TRMT6: variants seen among roughly 807,000 people sequenced by gnomAD.
TRMT6 encodes tRNA (adenine(58)-N(1))-methyltransferase non-catalytic subunit TRM6.
Under a neutral mutation model 59.0 loss-of-function variants are expected in TRMT6, and 34 were observed. The ratio of observed to expected loss-of-function variants is 0.58; its 90% CI spans 0.44 to 0.77. The LOEUF (loss-of-function observed/expected upper bound fraction) is 0.77. Among genes scored for constraint, TRMT6 ranks in the 30% least tolerant of loss-of-function variants. TRMT6 has a pLI of 0.00. For missense variants in TRMT6, 575 were observed against 604.5 expected, an observed-to-expected ratio of 0.95 and a Z score of 0.51; for synonymous variants, 217 against 210.5, an observed-to-expected ratio of 1.03 and a Z score of -0.27.
chr20:5,948,635 A>G (rs982212604), intron 1 of TRMT6, among the ~76,000 whole-genome samples: 3 of 152,040 alleles, frequency 2.0e-5, no homozygotes, highest in Non-Finnish European at 4.4e-5. Context: ...GAGCCCAGGA[A>G]TTGGAGACTA....
chr20:5,949,191 A>G (rs1297450701), intron 1 of TRMT6, among the ~76,000 whole-genome samples: 1 of 135,212 alleles, frequency 7.4e-6, no homozygotes, highest in Non-Finnish European at 1.5e-5. Context: ...CGTCTCTACT[A>G]AAAATACAAA....
At chr20:5,939,236 A>C (rs1220254279) in intron 10 of TRMT6, among the ~76,000 whole-genome samples, 1 of 152,222 alleles carries the variant, frequency 6.6e-6, no homozygotes, top group African/African-American at 2.4e-5. Flanking sequence ...TAATCCCAGC[A>C]CTTTGGGATG....
chr20:5,947,694 T>A (rs2088719698), intron 1 of TRMT6, among the ~76,000 whole-genome samples: 1 of 152,204 alleles, frequency 6.6e-6, no homozygotes. Context: ...CCTCCTCAGA[T>A]GTTGCAATTC....
rs1485138624 is a variant in TRMT6, at chr20:5,950,289, G to C, written c.117C>G (p.Val39=). ...GCGATCTGACTTACTTTCTCCGCTGGACTTGTACTGCTTTAAACACATCTT... is the reference window on the plus strand; with the variant it reads ...GCGATCTGACTTACTTTCTCCGCTGCACTTGTACTGCTTTAAACACATCTT... ...KREDVFKAVQ[V]QRRKKVTFEK... Residue 39 remains valine (V), a synonymous_variant, in exon 1 of 11, where the codon GTC becomes GTG. Coordinates refer to ENST00000203001, the MANE Select transcript of TRMT6 (RefSeq NM_015939.5). 4 of 1,611,210 alleles carry C rather than the reference G, an allele frequency of 2.5e-6. No homozygotes were observed. The highest frequency in any genetic ancestry group is 3.4e-6 in the Non-Finnish European group (4 of 1,178,258).
At position 5,942,051 on chromosome 20, in the gene TRMT6, A is replaced by AT. The variant is rs2122601166; in HGVS notation, c.1027-16dup. 6.2e-7 allele frequency: 1 copy of AT among 1,606,348 alleles called. No individual in the cohort carries two copies. The highest frequency in any genetic ancestry group is 2.2e-5 in the East Asian group (1 of 44,864). On this transcript the variant is annotated splice_polypyrimidine_tract_variant and intron_variant, in intron 7 of 10. Coordinates refer to ENST00000203001, the MANE Select transcript of TRMT6 (RefSeq NM_015939.5). ...TTTTCCTGAATCTTCAAAAAGAAAA[A>AT]TAAGAAATCAATGTACTGGGGTCTT...
At chr20:5,942,848 A>C in intron 6 of TRMT6, 62 bp from the exon 7 acceptor site, 1 of 1,264,242 alleles carries the variant, frequency 7.9e-7, no homozygotes, top group Non-Finnish European at 1.1e-6. Flanking sequence ...GTAAACCCTC[A>C]GTGAGTCCTC....
intron 1 of TRMT6, among the ~76,000 whole-genome samples, chr20:5,949,123 C>G (rs922395331): frequency 1.3e-5 from 2 of 150,200 alleles, no homozygotes. Flanking sequence ...GAGGCCGAGG[C>G]GGGTGGATCA....
At chr20:5,943,443 G>A in intron 6 of TRMT6, 116 bp downstream of exon 6, 1 of 1,385,090 alleles carries the variant, frequency 7.2e-7, no homozygotes, top group Non-Finnish European at 1.0e-6. Flanking sequence ...GTTCACCCAA[G>A]TCACTTTGTT....
chr20:5,941,414 T>C, intron 8 of TRMT6, 69 bp from the exon 9 acceptor site: 1 of 1,097,700 alleles, frequency 9.1e-7, no homozygotes, highest in Non-Finnish European at 1.4e-6. Context: ...TTAAAATGCA[T>C]TTAAAATGAT....
At chr20:5,941,799 T>A in intron 8 of TRMT6, 152 bp downstream of exon 8, 1 of 678,740 alleles carries the variant, frequency 1.5e-6, no homozygotes. Context: ...CCTGCCAGCC[T>A]CAGCCTCCTT....
chr20:5,950,046 G>C (rs1351537466), intron 1 of TRMT6, among the ~76,000 whole-genome samples: 1 of 152,146 alleles, frequency 6.6e-6, no homozygotes, highest in Non-Finnish European at 1.5e-5. Context: ...AATCATGGAG[G>C]GGGCTCCGGG....
intron 7 of TRMT6, 152 bp downstream of exon 7, chr20:5,942,276 C>T (rs780931090): frequency 6.1e-5 from 49 of 797,818 alleles, no homozygotes; most frequent in Non-Finnish European, 8.8e-5. Context: ...CCGAATCACA[C>T]GTTTGTATAC....
At position 5,942,536 on chromosome 20, in the gene TRMT6, C is replaced by T. The variant is rs199625016; in HGVS notation, c.918G>A (p.Met306Ile). Residue 306 changes from methionine to isoleucine, a missense_variant, in exon 7 of 11, where the codon ATG (methionine) becomes ATA (isoleucine). By Grantham distance (10) the Met-to-Ile change is conservative (BLOSUM62 1). Coordinates refer to ENST00000203001, the MANE Select transcript of TRMT6 (RefSeq NM_015939.5). The stretch of plus-strand genomic sequence containing the variant: ...GGTGGTTGCTCTCTGGGGCCTCTGC[C>T]ATGCTGTCTTCATTCTCTTGTTCAG... ...QASEQENEDS[M>I]AEAPESNHPE... 1.9e-6 allele frequency: 3 copies of T among 1,614,018 alleles called. No individual in the cohort carries two copies. Among genetic ancestry groups the T allele is most frequent in the African/African-American group, 1.3e-5 (1 of 74,972 alleles).
At chr20:5,943,343 G>C (rs2088675560) in intron 6 of TRMT6, among the ~76,000 whole-genome samples, 1 of 152,190 alleles carries the variant, frequency 6.6e-6, no homozygotes, top group Admixed American at 6.5e-5. Context: ...AGCTAGAAAG[G>C]ACAATTGCCA....
chr20:5,942,885 T>A, intron 6 of TRMT6, 99 bp from the exon 7 acceptor site: 1 of 896,330 alleles, frequency 1.1e-6, no homozygotes, highest in South Asian at 1.6e-5. Flanking sequence ...AAGGTCTTTC[T>A]ATTAGTACTT....
chr20:5,942,908 G>A, intron 6 of TRMT6, 122 bp from the exon 7 acceptor site: 1 of 756,018 alleles, frequency 1.3e-6, no homozygotes, highest in Non-Finnish European at 2.2e-6. Context: ...TTCAGAGGCT[G>A]AAGGATGGTG....
intron 3 of TRMT6, 148 bp from the exon 4 acceptor site, chr20:5,944,401 C>CTA (rs1365757073): frequency 1.9e-6 from 1 of 515,412 alleles, no homozygotes; most frequent in African/African-American, 2.0e-5. Context: ...CTTTATATTT[C>CTA]TATACTCTAT....
chr20:5,946,363 A>C, intron 2 of TRMT6, 43 bp downstream of exon 2: 4 of 1,612,880 alleles, frequency 2.5e-6, no homozygotes, highest in Non-Finnish European at 3.4e-6. Flanking sequence ...GTTTCTGACT[A>C]GTCAGTTGGA....
In TRMT6 at chr20:5,944,205, T is replaced by G; in HGVS notation, c.415A>C (p.Thr139Pro). The stretch of plus-strand genomic sequence containing the variant: ...ATATATTTATCTTGGGCAAATTCTG[T>G]CTTGTCTCGGAATGTTGTACTATTT... ...IENSTTFRDK[T>P]EFAQDKYIKK... The change falls in exon 4 of 11, where the codon ACA (threonine) becomes CCA (proline). Residue 139 changes from threonine to proline, a missense_variant. Transcript: ENST00000203001. The G allele has an allele frequency of 6.4e-7, 1 of 1,572,876 alleles. No homozygotes were observed. The highest frequency in any genetic ancestry group is 1.2e-5 in the South Asian group (1 of 82,414).
Sources: gnomAD v4.1 joint callset for allele counts (sites outside exome capture counted in the v4.1 genomes callset) on GRCh38, gnomAD v4.1.1 for gene constraint, MANE v1.5 for transcripts, NCBI Gene and HGNC (gene_info 2026-07-23, HGNC 2026-07-21) for gene names.